The following ANK2 variants were observed in gnomAD, a reference collection of about 807,000 sequenced individuals.
ANK2 encodes the protein ankyrin 2, also known as ankyrin-2.
ANK2 carries 83 observed loss-of-function variants against 360.5 expected under a neutral mutation model. The observed-to-expected ratio is 0.23, with a 90% CI of 0.19 to 0.28. The LOEUF (loss-of-function observed/expected upper bound fraction) is 0.28, where lower values mean the gene tolerates loss of function less well. Ranked by LOEUF, ANK2 falls within the 10% of genes least tolerant of loss-of-function variation. ANK2 has a pLI of 1.00. For missense variants in ANK2, 4,201 were observed against 4,795.7 expected (o/e 0.88, Z 3.66); for synonymous variants, 1,740 against 1,759.5 (o/e 0.99, Z 0.28).
At chr4:113,159,255 AT>A (rs2097423478) in intron 1 of ANK2, among the ~76,000 whole-genome samples, 1 of 151,800 alleles carries the variant, frequency 6.6e-6, no homozygotes, top group Non-Finnish European at 1.5e-5. Context: ...TTACAGGTAG[AT>A]ATTTGTGTAA....
At chr4:113,309,891 T>C (rs755486116) in intron 23 of ANK2, among the ~76,000 whole-genome samples, 24 of 152,312 alleles carry the variant, frequency 1.6e-4, no homozygotes, top group Non-Finnish European at 2.8e-4. Flanking sequence ...AAAAATATAT[T>C]CTTCAAATGT....
chr4:113,166,267 G>A (rs2097753998), intron 1 of ANK2, among the ~76,000 whole-genome samples: 1 of 151,998 alleles, frequency 6.6e-6, no homozygotes, highest in African/African-American at 2.4e-5. Context: ...TTTAGTAACT[G>A]GCATAGTTAT....
At chr4:113,100,154 T>C (rs1192039896) in intron 1 of ANK2, among the ~76,000 whole-genome samples, 1 of 152,022 alleles carries the variant, frequency 6.6e-6, no homozygotes, top group Non-Finnish European at 1.5e-5. Flanking sequence ...ACTTCTGTTT[T>C]ATGAAAGACA....
In ANK2 at chr4:113,146,453, A is replaced by G. The variant is rs1234383417; in HGVS notation, c.85-27963A>G. On this transcript the variant is annotated intron_variant, in intron 1 of 45. Coordinates refer to ENST00000357077, the MANE Select transcript of ANK2 (RefSeq NM_001148.6). ...CCCTTAGTATCCCAGCTCCAGCCTA[A>G]AACAGTATTTCCCTCTAATATTTGA... Among the ~76,000 whole-genome samples the G allele has an allele frequency of 2.6e-5, 4 of 152,166 alleles. No homozygotes were observed. In the East Asian group the frequency reaches 7.7e-4, roughly 29 times the overall value.
intron 2 of ANK2, among the ~76,000 whole-genome samples, chr4:112,912,171 C>T (rs1301067640): frequency 2.7e-5 from 4 of 147,276 alleles, no homozygotes; most frequent in East Asian, 2.0e-4. Context: ...AGCGAGACTC[C>T]GTTTCAAAAA....
chr4:113,258,271 A>C (rs1332848333), intron 12 of ANK2, 42 bp from the exon 13 acceptor site: 2 of 1,601,852 alleles, frequency 1.2e-6, no homozygotes, highest in Non-Finnish European at 1.7e-6. Flanking sequence ...CCAAAGCCCC[A>C]CCGGTGCAGA....
intron 1 of ANK2, among the ~76,000 whole-genome samples, chr4:113,147,187 G>A (rs1452501632): frequency 6.6e-6 from 1 of 152,148 alleles, no homozygotes; most frequent in African/African-American, 2.4e-5. Flanking sequence ...AAAAAGGTGG[G>A]GAGGGAGGCC....
chr4:113,102,461 T>C (rs149496939), intron 1 of ANK2, among the ~76,000 whole-genome samples: 16 of 152,048 alleles, frequency 1.1e-4, no homozygotes, highest in Non-Finnish European at 1.5e-5. Flanking sequence ...ATATATGAGA[T>C]TTACCACCAT....
intron 1 of ANK2, among the ~76,000 whole-genome samples, chr4:112,830,394 G>A (rs2059450819): frequency 6.6e-6 from 1 of 152,128 alleles, no homozygotes; most frequent in Admixed American, 6.5e-5. Context: ...AATTAACACA[G>A]TAACAGGAAA....
At chr4:113,273,360 T>C (rs147202004) in intron 14 of ANK2, among the ~76,000 whole-genome samples, 6 of 152,354 alleles carry the variant, frequency 3.9e-5, no homozygotes, top group Admixed American at 3.9e-4. Flanking sequence ...TTGCAAATGT[T>C]CACAAAATTT....
chr4:112,855,314 C>T lies in ANK2; in HGVS notation c.-40+37050C>T, dbSNP rs546720069. Among the ~76,000 whole-genome samples the T allele has an allele frequency of 1.1e-3, 162 of 152,336 alleles. 1 individual carries two copies. Among genetic ancestry groups the T allele is most frequent in the Admixed American group, 4.1e-3 (63 of 15,310 alleles). ...TGCTCATACTGAAGTGTTGCCAACA[C>T]TTCTGCTCTATTGTCTTTGTTCGTT... On this transcript the variant is annotated intron_variant, in intron 1 of 30. Coordinates refer to the ANK2 transcript ENST00000503271.
At chr4:113,065,213 A>G (rs1271549475) in intron 1 of ANK2, among the ~76,000 whole-genome samples, 1 of 149,046 alleles carries the variant, frequency 6.7e-6, no homozygotes, top group Admixed American at 6.7e-5. Flanking sequence ...TCTAACAAAA[A>G]TGTTAGAAAG....
At position 112,868,197 on chromosome 4, in the gene ANK2, G is replaced by A. The variant is rs2071438184; in HGVS notation, c.-39-36258G>A. Among the ~76,000 whole-genome samples the A allele has an allele frequency of 2.0e-5, 3 of 152,102 alleles. 1 individual carries two copies. Among genetic ancestry groups the A allele is most frequent in the Admixed American group, 6.5e-5 (1 of 15,268 alleles). ...CATGTGCTTGTCAGGTCATTTTTAT[G>A]TATTATTTGGATAAATGTTTGTCTT... On this transcript the variant is annotated intron_variant, in intron 1 of 30. Coordinates refer to the ANK2 transcript ENST00000503271.
intron 2 of ANK2, among the ~76,000 whole-genome samples, chr4:112,934,414 T>G (rs59044966): frequency 0.034 from 5,158 of 152,268 alleles, 131 homozygotes; most frequent in African/African-American, 0.063. Flanking sequence ...ACTTTTCATT[T>G]TATCCAGAAC....
At chr4:113,326,366 T>C (rs1208383219) in intron 26 of ANK2, among the ~76,000 whole-genome samples, 19 of 152,224 alleles carry the variant, frequency 1.2e-4, no homozygotes. Flanking sequence ...TTATTTTTCC[T>C]GTTCCTTCTT....
At chr4:112,743,418 A>T in the ANK2 span, among the ~76,000 whole-genome samples, 1 of 151,878 alleles carries the variant, frequency 6.6e-6, no homozygotes, top group Non-Finnish European at 1.5e-5. Flanking sequence ...TAACTTCCTT[A>T]TATTATATTG....
chr4:112,852,139 A>G (rs1211525055), intron 1 of ANK2, among the ~76,000 whole-genome samples: 1 of 152,212 alleles, frequency 6.6e-6, no homozygotes, highest in Non-Finnish European at 1.5e-5. Flanking sequence ...TTGCTCTAAT[A>G]CGTATTATCC....
At chr4:112,915,731 G>A (rs1443264433) in intron 2 of ANK2, among the ~76,000 whole-genome samples, 3 of 150,464 alleles carry the variant, frequency 2.0e-5, no homozygotes, top group Admixed American at 6.6e-5. Context: ...CTCCAGCCTG[G>A]GCAACAGAGT....
chr4:112,798,777 T>G, the ANK2 span: 1 of 152,262 alleles, frequency 6.6e-6, no homozygotes, highest in African/African-American at 2.4e-5. Flanking sequence ...TTACTCAGGT[T>G]GGTACCATTG....
Sources: gnomAD v4.1 joint callset for allele counts (sites outside exome capture counted in the v4.1 genomes callset) on GRCh38, gnomAD v4.1.1 for gene constraint, MANE v1.5 for transcripts, NCBI Gene and HGNC (gene_info 2026-07-23, HGNC 2026-07-21) for gene names.